PDE11A: variants seen among roughly 807,000 people sequenced by gnomAD.
PDE11A encodes the protein dual 3',5'-cyclic-AMP and -GMP phosphodiesterase 11A.
Under a neutral mutation model 100.5 loss-of-function variants are expected in PDE11A, and 100 were observed. The ratio of observed to expected loss-of-function variants is 1.00; its 90% CI spans 0.85 to 1.18. The LOEUF (loss-of-function observed/expected upper bound fraction) is 1.18, where lower values mean the gene tolerates loss of function less well. Among genes scored for constraint, PDE11A ranks in the 50% most tolerant of loss-of-function variants. PDE11A has a pLI of 0.00. For synonymous variants in PDE11A, 381 were observed against 420.8 expected, an observed-to-expected ratio of 0.91 and a Z score of 1.16; for missense variants, 1,141 against 1,152.6, an observed-to-expected ratio of 0.99 and a Z score of 0.15.
intron 5 of PDE11A, among the ~76,000 whole-genome samples, chr2:177,845,035 T>C (rs2083558476): frequency 6.6e-6 from 1 of 151,850 alleles, no homozygotes. Flanking sequence ...TCCTGGCCCG[T>C]TCTCAATGAG....
chr2:177,802,735 G>A (rs1464939896), intron 9 of PDE11A, among the ~76,000 whole-genome samples: 6 of 151,882 alleles, frequency 4.0e-5, no homozygotes, highest in Admixed American at 2.0e-4. Flanking sequence ...TTTCTGGGGT[G>A]ATAATATATC....
intron 4 of PDE11A, among the ~76,000 whole-genome samples, chr2:177,876,271 G>C (rs2084239479): frequency 6.6e-6 from 1 of 152,118 alleles, no homozygotes; most frequent in African/African-American, 2.4e-5. Flanking sequence ...ACAGCAATAA[G>C]AGACCCAGGT....
chr2:177,808,012 T>C (rs2082898371), intron 9 of PDE11A, among the ~76,000 whole-genome samples: 1 of 152,180 alleles, frequency 6.6e-6, no homozygotes, highest in Non-Finnish European at 1.5e-5. Flanking sequence ...TTGAGGTTTG[T>C]TAGAAAATAC....
At chr2:177,963,844 A>G (rs1208076049) in intron 2 of PDE11A, among the ~76,000 whole-genome samples, 1 of 152,090 alleles carries the variant, frequency 6.6e-6, no homozygotes, top group Non-Finnish European at 1.5e-5. Context: ...AGTGGCCTCC[A>G]CCATCCAGCT....
chr2:177,928,937 T>G (rs910041790), intron 2 of PDE11A, among the ~76,000 whole-genome samples: 2 of 152,198 alleles, frequency 1.3e-5, no homozygotes, highest in African/African-American at 4.8e-5. Context: ...ATATTTATGT[T>G]CCTTAAAGTG....
chr2:177,663,830 C>G, intron 19 of PDE11A, 36 bp downstream of exon 19: 1 of 1,128,672 alleles, frequency 8.9e-7, no homozygotes. Context: ...TTTTCTGATT[C>G]AGTCAGAACA....
intron 5 of PDE11A, among the ~76,000 whole-genome samples, chr2:177,863,562 C>A (rs1410694315): frequency 1.3e-5 from 2 of 151,898 alleles, no homozygotes; most frequent in African/African-American, 2.4e-5. Flanking sequence ...ATTAAAATGG[C>A]CAACAGGTAC....
intron 5 of PDE11A, among the ~76,000 whole-genome samples, chr2:177,873,763 T>A (rs2084184586): frequency 1.3e-5 from 2 of 152,196 alleles, no homozygotes; most frequent in African/African-American, 4.8e-5. Context: ...AATGAAGTTA[T>A]ATAGTATGTA....
chr2:177,783,863 A>T (rs1248005477), intron 9 of PDE11A, among the ~76,000 whole-genome samples: 1 of 152,196 alleles, frequency 6.6e-6, no homozygotes, highest in Non-Finnish European at 1.5e-5. Context: ...TATTTCATTT[A>T]AAAAATTATT....
chr2:178,061,738 T>A (rs2086972189), intron 1 of PDE11A, among the ~76,000 whole-genome samples: 1 of 152,260 alleles, frequency 6.6e-6, no homozygotes, highest in African/African-American at 2.4e-5. Context: ...GATTCTTCAT[T>A]AAATATATAA....
chr2:177,929,401 G>A (rs1267468795), intron 2 of PDE11A, among the ~76,000 whole-genome samples: 1 of 152,178 alleles, frequency 6.6e-6, no homozygotes, highest in African/African-American at 2.4e-5. Flanking sequence ...GACCTAAACA[G>A]ATATTTAGTA....
At chr2:177,823,352 A>G (rs1361891205) in intron 6 of PDE11A, among the ~76,000 whole-genome samples, 1 of 152,164 alleles carries the variant, frequency 6.6e-6, no homozygotes, top group Non-Finnish European at 1.5e-5. Context: ...AAAGACAACA[A>G]TTCACTCTGT....
chr2:177,706,315 A>G (rs2081278878), intron 13 of PDE11A, among the ~76,000 whole-genome samples: 1 of 152,188 alleles, frequency 6.6e-6, no homozygotes, highest in African/African-American at 2.4e-5. Context: ...GGTGCATTTA[A>G]ATCCCATTTT....
chr2:178,088,023 C>A (rs1302829050), intron 2 of PDE11A, among the ~76,000 whole-genome samples: 1 of 152,104 alleles, frequency 6.6e-6, no homozygotes, highest in Non-Finnish European at 1.5e-5. Flanking sequence ...GAAATACTGT[C>A]CTTTTCTGCA....
At chr2:178,049,274 G>C (rs1220533231) in intron 1 of PDE11A, among the ~76,000 whole-genome samples, 1 of 152,188 alleles carries the variant, frequency 6.6e-6, no homozygotes, top group African/African-American at 2.4e-5. Context: ...TAACTCAAAA[G>C]AACTTTCTGA....
intron 4 of PDE11A, among the ~76,000 whole-genome samples, chr2:177,891,398 A>T (rs1381297195): frequency 6.6e-6 from 1 of 152,202 alleles, no homozygotes; most frequent in East Asian, 1.9e-4. Context: ...GCCCATACTC[A>T]CACTGGTTAT....
chr2:177,799,489 A>C (rs1259076947), intron 9 of PDE11A, among the ~76,000 whole-genome samples: 1 of 152,218 alleles, frequency 6.6e-6, no homozygotes, highest in Non-Finnish European at 1.5e-5. Context: ...ATGATACCTC[A>C]CGGCTGATTC....
chr2:177,773,267 A>T (rs1410700463), intron 9 of PDE11A, among the ~76,000 whole-genome samples: 1 of 152,066 alleles, frequency 6.6e-6, no homozygotes, highest in Non-Finnish European at 1.5e-5. Flanking sequence ...TCCCTCCCAA[A>T]GTGTTGTGAT....
At position 177,867,344 on chromosome 2, in the gene PDE11A, G is replaced by C. The variant is rs140401184; in HGVS notation, c.1367+8515C>G. The stretch of plus-strand genomic sequence containing the variant: ...GTCACATAAAACCTTCTGGTGCATA[G>C]AGGTGCTCCTCCAGGCCCAGAATCA... On this transcript the variant is annotated intron_variant, in intron 5 of 19. Transcript: ENST00000286063. 5.0e-3 allele frequency among the ~76,000 whole-genome samples: 762 copies of C among 152,262 alleles called. 3 individuals are homozygous for C. Among genetic ancestry groups the C allele is most frequent in the Non-Finnish European group, 6.1e-3 (414 of 68,024 alleles).
Sources: gnomAD v4.1 joint callset for allele counts (sites outside exome capture counted in the v4.1 genomes callset) on GRCh38, gnomAD v4.1.1 for gene constraint, MANE v1.5 for transcripts, NCBI Gene and HGNC (gene_info 2026-07-23, HGNC 2026-07-21) for gene names.